Variants in CRTC3 observed in about 807,000 individuals in gnomAD.
CRTC3 encodes the protein CREB regulated transcription coactivator 3.
In CRTC3, 26 loss-of-function variants were observed where a neutral mutation model predicts 74.5. The observed-to-expected ratio is 0.35, with a 90% CI of 0.26 to 0.48. CRTC3 has a LOEUF of 0.48. Ranked by LOEUF, CRTC3 falls within the 20% of genes least tolerant of loss-of-function variation. The pLI is 0.99. For missense variants in CRTC3, 760 were observed against 787.3 expected, an observed-to-expected ratio of 0.97 and a Z score of 0.41; for synonymous variants, 377 against 325.8, an observed-to-expected ratio of 1.16 and a Z score of -1.69.
rs1209835405 is a variant in CRTC3 at position 90,550,285 on chromosome 15, G to A, written c.231+10148G>A. Among the ~76,000 whole-genome samples the A allele has an allele frequency of 5.9e-5, 9 of 151,498 alleles. No individual in the cohort carries two copies. In the East Asian group the frequency reaches 6.0e-4, roughly 10 times the overall value. The stretch of plus-strand genomic sequence containing the variant: ...CTCTACTAAAAATACAAAATTAGCC[G>A]GGCATGGTGGTGCATGCTGTAATTC... On this transcript the variant is annotated intron_variant, in intron 2 of 14. Transcript: ENST00000268184.
chr15:90,629,044 C>G (rs766098557), intron 10 of CRTC3, among the ~76,000 whole-genome samples, 190 bp from the exon 11 acceptor site: 1 of 152,190 alleles, frequency 6.6e-6, no homozygotes, highest in African/African-American at 2.4e-5. Flanking sequence ...GGCCCCATCT[C>G]TGTTAGTGCA....
chr15:90,589,634 T>C (rs1967752479), intron 2 of CRTC3, among the ~76,000 whole-genome samples: 1 of 152,168 alleles, frequency 6.6e-6, no homozygotes, highest in African/African-American at 2.4e-5. Flanking sequence ...GCTAGGATTA[T>C]AGGCGTGAGC....
At position 90,614,469 on chromosome 15, in the gene CRTC3, G is replaced by A; in HGVS notation, c.594G>A (p.Glu198=). ...TCCCGCTAGGTTTCTGTGATGGTGAGAATAATGGACATGGGGAAGGTATGA... is the reference window on the plus strand; with the variant it reads ...TCCCGCTAGGTTTCTGTGATGGTGAAAATAATGGACATGGGGAAGGTATGA... ...PAPYMGFCDG[E]NNGHGEVASF... The change falls in exon 7 of 15, where the codon GAG becomes GAA. Residue 198 remains glutamate, a synonymous_variant. Coordinates refer to ENST00000268184, the MANE Select transcript of CRTC3 (RefSeq NM_022769.5). 6.2e-7 allele frequency: 1 copy of A among 1,610,268 alleles called. No individual in the cohort carries two copies. Among genetic ancestry groups the A allele is most frequent in the Non-Finnish European group, 8.5e-7 (1 of 1,176,720 alleles).
At chr15:90,573,153 A>C (rs990129822) in intron 2 of CRTC3, among the ~76,000 whole-genome samples, 2 of 152,100 alleles carry the variant, frequency 1.3e-5, no homozygotes, top group Non-Finnish European at 2.9e-5. Context: ...ATTACACACT[A>C]TTTGTCTTTT....
chr15:90,612,016 A>ACCC (rs1968367390), intron 6 of CRTC3, among the ~76,000 whole-genome samples: 2 of 106,544 alleles, frequency 1.9e-5, no homozygotes, highest in Non-Finnish European at 3.9e-5. Context: ...TCCTTCCCCA[A>ACCC]CCACCCCCCA....
chr15:90,623,960 G>C (rs774636480), intron 9 of CRTC3, among the ~76,000 whole-genome samples: 1 of 152,152 alleles, frequency 6.6e-6, no homozygotes, highest in South Asian at 2.1e-4. Context: ...GAGTTCTTTA[G>C]CCTTTAAACT....
At chr15:90,636,710 A>G (rs2151096902) in intron 11 of CRTC3, among the ~76,000 whole-genome samples, 1 of 151,956 alleles carries the variant, frequency 6.6e-6, no homozygotes, top group African/African-American at 2.4e-5. Flanking sequence ...TTTACAAGAA[A>G]AAAACAAACA....
Position 90,641,957 on chromosome 15 carries a change from A to G in CRTC3, c.1677A>G (p.Lys559=), listed in dbSNP as rs371617211. 1.2e-6 allele frequency: 2 copies of G among 1,613,568 alleles called. No individual in the cohort carries two copies. The highest frequency in any genetic ancestry group is 2.7e-5 in the African/African-American group (2 of 74,910). Residue 559 remains lysine, a synonymous_variant, in exon 15 of 15, where the codon AAA becomes AAG. Transcript: ENST00000268184. The stretch of plus-strand genomic sequence containing the variant: ...AAGACTCCAGCACCAGCCTGTTCAA[A>G]GACCTCAACAGTGCGCTGGCAGGCC... ...LPEDSSTSLF[K]DLNSALAGLP... is the part of the protein sequence containing the mutation.
chr15:90,632,079 T>TG (rs1427917964), intron 11 of CRTC3, among the ~76,000 whole-genome samples: 1 of 150,702 alleles, frequency 6.6e-6, no homozygotes, highest in African/African-American at 2.4e-5. Flanking sequence ...TTTTTGTATT[T>TG]TTTTTTTTTT....
intron 6 of CRTC3, among the ~76,000 whole-genome samples, chr15:90,611,654 G>A (rs920451210): frequency 1.3e-5 from 2 of 151,976 alleles, no homozygotes; most frequent in Admixed American, 6.6e-5. Context: ...ATGCCCCTAC[G>A]CCCATTCAGT....
chr15:90,562,892 G>T (rs1374820555), intron 2 of CRTC3, among the ~76,000 whole-genome samples: 1 of 152,018 alleles, frequency 6.6e-6, no homozygotes, highest in Non-Finnish European at 1.5e-5. Flanking sequence ...GAATGGGGTG[G>T]GCCAACAGGA....
Position 90,530,060 on chromosome 15 carries a change from A to G in CRTC3, c.-12A>G, listed in dbSNP as rs757801584. The G allele has an allele frequency of 4.7e-4, 660 of 1,415,106 alleles. No homozygotes were observed. Among genetic ancestry groups the G allele is most frequent in the Non-Finnish European group, 5.9e-4 (633 of 1,068,068 alleles). The allele number at this position is 1,415,106 out of a possible 1,614,324, so 87.7% of individuals were successfully genotyped here. A position where few individuals can be genotyped will look rare whatever the true frequency, so the allele number is the denominator to read the frequency against. On this transcript the variant is annotated 5_prime_UTR_variant, in exon 1 of 15. Transcript: ENST00000268184. This position sits in a 1 kb window ranked among gnomAD's most constrained non-coding sequence, Gnocchi z 6.2. The stretch of plus-strand genomic sequence containing the variant: ...CGCCGTCTCCCGCTTCTGCCCGCGC[A>G]GAGTCCGCGCCATGGCCGCCTCGCC...
At chr15:90,547,429 G>A (rs1966846188) in intron 2 of CRTC3, among the ~76,000 whole-genome samples, 1 of 152,098 alleles carries the variant, frequency 6.6e-6, no homozygotes, top group Non-Finnish European at 1.5e-5. Flanking sequence ...ACATTGGTTG[G>A]TAAGTGTAGT....
intron 9 of CRTC3, among the ~76,000 whole-genome samples, chr15:90,620,899 G>A (rs1968627750): frequency 1.3e-5 from 2 of 152,188 alleles, no homozygotes; most frequent in Non-Finnish European, 2.9e-5. Context: ...TCTCACAGCA[G>A]CGCAGTCAAG....
intron 11 of CRTC3, among the ~76,000 whole-genome samples, chr15:90,636,342 C>G (rs947668667): frequency 1.4e-5 from 2 of 144,604 alleles, no homozygotes; most frequent in African/African-American, 5.1e-5. Context: ...GCTGGGAAAA[C>G]TGGCTAGCCA....
chr15:90,542,328 G>T (rs764729029), intron 2 of CRTC3, among the ~76,000 whole-genome samples: 1 of 151,788 alleles, frequency 6.6e-6, no homozygotes, highest in African/African-American at 2.4e-5. Context: ...ATAGGCGTGC[G>T]TCACCACGCC....
intron 6 of CRTC3, among the ~76,000 whole-genome samples, chr15:90,609,276 G>A (rs1416673568): frequency 6.6e-6 from 1 of 152,208 alleles, no homozygotes; most frequent in Non-Finnish European, 1.5e-5. Flanking sequence ...CAGTGATGTT[G>A]AAATTGATGT....
intron 7 of CRTC3, among the ~76,000 whole-genome samples, chr15:90,614,941 G>T (rs537906935): frequency 3.9e-5 from 6 of 152,080 alleles, no homozygotes; most frequent in Non-Finnish European, 8.8e-5. Flanking sequence ...GCACGTGCCT[G>T]TGGTCCCAGA....
chr15:90,612,575 G>A (rs773375234), intron 6 of CRTC3, among the ~76,000 whole-genome samples: 1 of 151,868 alleles, frequency 6.6e-6, no homozygotes, highest in Non-Finnish European at 1.5e-5. Context: ...CGAGTGACTG[G>A]TGTCTTGATG....
Sources: gnomAD v4.1 joint callset for allele counts (sites outside exome capture counted in the v4.1 genomes callset) on GRCh38, gnomAD v4.1.1 for gene constraint, Gnocchi (gnomAD v3.1) non-coding constraint, MANE v1.5 for transcripts, NCBI Gene and HGNC (gene_info 2026-07-23, HGNC 2026-07-21) for gene names.